The following NBAS variants were observed in gnomAD, a reference collection of about 807,000 sequenced individuals.
NBAS encodes the protein NBAS subunit of NRZ tethering complex.
NBAS carries 219 observed loss-of-function variants against 302.5 expected under a neutral mutation model. That is an observed-to-expected ratio of 0.72 (90% CI 0.65 to 0.81). The LOEUF (loss-of-function observed/expected upper bound fraction) is 0.81. Ranked by LOEUF, NBAS falls within the 30% of genes least tolerant of loss-of-function variation. The probability of loss-of-function intolerance (pLI) is 0.00; values close to 1 mark genes in which losing one functional copy is unlikely to be tolerated. For missense variants in NBAS, 2,932 were observed against 2,841.6 expected (o/e 1.03, Z -0.72); for synonymous variants, 1,118 against 1,021.6 (o/e 1.09, Z -1.80).
intron 48 of NBAS, among the ~76,000 whole-genome samples, chr2:15,203,974 A>G (rs952963102): frequency 6.6e-6 from 1 of 151,474 alleles, no homozygotes; most frequent in Non-Finnish European, 1.5e-5. Flanking sequence ...CATAAACCAG[A>G]TAAGCCAGGT....
chr2:15,064,095 T>C, the NBAS span, among the ~76,000 whole-genome samples: 2 of 152,220 alleles, frequency 1.3e-5, no homozygotes, highest in African/African-American at 2.4e-5. Flanking sequence ...TTATTGATTA[T>C]CTGTCTTCGT....
At chr2:15,462,285 T>G (rs1330667028) in intron 19 of NBAS, among the ~76,000 whole-genome samples, 1 of 152,126 alleles carries the variant, frequency 6.6e-6, no homozygotes, top group Non-Finnish European at 1.5e-5. Context: ...TTTCCCACCC[T>G]CTAATGTGCT....
the NBAS span, among the ~76,000 whole-genome samples, chr2:14,986,863 A>T: frequency 6.6e-6 from 1 of 152,134 alleles, no homozygotes; most frequent in Non-Finnish European, 1.5e-5. Flanking sequence ...TCATTTGATC[A>T]ATACAGGAGT....
chr2:15,419,335 ATGTGTGTGTGTG>A (rs55830610), intron 23 of NBAS, among the ~76,000 whole-genome samples: 1 of 149,994 alleles, frequency 6.7e-6, no homozygotes, highest in East Asian at 2.0e-4. Context: ...ATACATATAT[ATGTGTGTGTGTG>A]TGTGTGTGTG....
the NBAS span, among the ~76,000 whole-genome samples, chr2:14,955,894 C>T: frequency 2.1e-4 from 32 of 152,326 alleles, no homozygotes; most frequent in African/African-American, 6.5e-4. Context: ...ACATTTTCCC[C>T]ATTGCCTTGG....
At chr2:14,885,589 C>A in the NBAS span, among the ~76,000 whole-genome samples, 1 of 152,064 alleles carries the variant, frequency 6.6e-6, no homozygotes, top group African/African-American at 2.4e-5. Flanking sequence ...GATCCACATG[C>A]GGATGGAATT....
rs979782896 is a variant in NBAS at position 15,379,912 on chromosome 2, T to C, written c.3361-81A>G. On this transcript the variant is annotated intron_variant, in intron 29 of 51. Coordinates refer to ENST00000281513, the MANE Select transcript of NBAS (RefSeq NM_015909.4). ...TGAAATGAAGGCTCTGAAATCCAAA[T>C]GAAAGAAATTAAAAACACATCCACC... 1.2e-5 allele frequency: 16 copies of C among 1,355,810 alleles called. 1 individual carries two copies. The African/African-American group carries it at 2.2e-4, about 18-fold the overall frequency. 84.0% of individuals were successfully genotyped at this position (1,355,810 alleles called of 1,614,324 possible). A position where few individuals can be genotyped will look rare whatever the true frequency, so the allele number is the denominator to read the frequency against.
At position 15,238,371 on chromosome 2, in the gene NBAS, C is replaced by T. The variant is rs1022266727; in HGVS notation, c.5943+97G>A. 4.9e-5 allele frequency: 61 copies of T among 1,238,418 alleles called. No individual in the cohort carries two copies. The African/African-American group carries it at 8.1e-4, about 16-fold the overall frequency. 76.7% of individuals were successfully genotyped at this position (1,238,418 alleles called of 1,614,324 possible). ...GACAATTTTCAAGGATATCTGCAAG[C>T]CTGAAAACCCTGTCAAAACGACTAA... On this transcript the variant is annotated intron_variant, in intron 45 of 51. Transcript: ENST00000281513.
the NBAS span, among the ~76,000 whole-genome samples, chr2:15,010,581 AC>A: frequency 2.0e-5 from 3 of 152,140 alleles, no homozygotes; most frequent in African/African-American, 7.2e-5. Context: ...AAGTGAAACC[AC>A]CTTTGAGCAC....
At chr2:15,166,876 A>G, downstream of NBAS, 1 of 830,760 alleles carries the variant, frequency 1.2e-6, no homozygotes, top group Non-Finnish European at 1.8e-6. Flanking sequence ...CACTCAGTAC[A>G]AGAAAGAAAA....
the NBAS span, among the ~76,000 whole-genome samples, chr2:14,950,234 G>C: frequency 1.3e-5 from 2 of 152,102 alleles, no homozygotes; most frequent in African/African-American, 2.4e-5. Context: ...TCATAGCTTA[G>C]CTCCCACATA....
At chr2:15,242,094 C>T (rs561316256) in intron 44 of NBAS, among the ~76,000 whole-genome samples, 1 of 152,294 alleles carries the variant, frequency 6.6e-6, no homozygotes, top group Admixed American at 6.5e-5. Flanking sequence ...CATCCAAGTG[C>T]ATAACCCACC....
intron 38 of NBAS, among the ~76,000 whole-genome samples, chr2:15,321,181 T>C (rs1197864037): frequency 6.6e-6 from 1 of 152,212 alleles, no homozygotes; most frequent in African/African-American, 2.4e-5. Context: ...CTTGGAAAAC[T>C]GGCTAGCCAT....
intron 16 of NBAS, among the ~76,000 whole-genome samples, chr2:15,472,345 T>C (rs1235480939): frequency 6.6e-6 from 1 of 152,166 alleles, no homozygotes; most frequent in Non-Finnish European, 1.5e-5. Flanking sequence ...CCACTGAGTT[T>C]CAGTGACACT....
At chr2:15,076,566 A>C in the NBAS span, among the ~76,000 whole-genome samples, 1 of 152,210 alleles carries the variant, frequency 6.6e-6, no homozygotes, top group African/African-American at 2.4e-5. Flanking sequence ...GCTGTCTAGT[A>C]AGCCCAAGTC....
the NBAS span, among the ~76,000 whole-genome samples, chr2:14,929,999 C>T: frequency 2.0e-5 from 3 of 152,168 alleles, no homozygotes; most frequent in African/African-American, 7.2e-5. Flanking sequence ...TCTCTCTCTC[C>T]TGCTCCACCA....
the NBAS span, among the ~76,000 whole-genome samples, chr2:15,150,968 T>C: frequency 6.8e-6 from 1 of 145,986 alleles, no homozygotes; most frequent in Non-Finnish European, 1.5e-5. Context: ...AAATTAGAAA[T>C]TGAGTAAGAA....
At chr2:14,860,067 G>A in the NBAS span, among the ~76,000 whole-genome samples, 2 of 151,858 alleles carry the variant, frequency 1.3e-5, no homozygotes, top group African/African-American at 4.8e-5. Flanking sequence ...CACACAAATG[G>A]CCAACAGGTA....
At chr2:15,028,975 C>T in the NBAS span, among the ~76,000 whole-genome samples, 1 of 152,172 alleles carries the variant, frequency 6.6e-6, no homozygotes, top group African/African-American at 2.4e-5. Flanking sequence ...AAATTCTCAA[C>T]ACCTGGAATC....
Sources: gnomAD v4.1 joint callset for allele counts (sites outside exome capture counted in the v4.1 genomes callset) on GRCh38, gnomAD v4.1.1 for gene constraint, MANE v1.5 for transcripts, NCBI Gene and HGNC (gene_info 2026-07-23, HGNC 2026-07-21) for gene names.